GSTCD: variants seen among roughly 807,000 people sequenced by gnomAD.
GSTCD encodes the protein glutathione S-transferase C-terminal domain-containing protein.
A neutral mutation model predicts 68.3 loss-of-function variants in GSTCD; 44 were observed. The ratio of observed to expected loss-of-function variants is 0.64; its 90% CI spans 0.51 to 0.83. The LOEUF is 0.83. GSTCD is among the 40% of genes least tolerant of loss of function. The pLI is 0.00. For synonymous variants in GSTCD, 273 were observed against 255.2 expected (o/e 1.07, Z -0.67); for missense variants, 739 against 735.9 (o/e 1.00, Z -0.05).
At chr4:105,724,670 C>G (rs186770190) in intron 3 of GSTCD, among the ~76,000 whole-genome samples, 140 of 151,954 alleles carry the variant, frequency 9.2e-4, no homozygotes, top group Admixed American at 2.1e-3. Context: ...AGTACAAGCT[C>G]TCCATTTTTA....
chr4:105,835,801 A>C (rs1443747288), intron 9 of GSTCD, among the ~76,000 whole-genome samples: 1 of 152,160 alleles, frequency 6.6e-6, no homozygotes, highest in Non-Finnish European at 1.5e-5. Context: ...CAATTGGAGG[A>C]TGAGCAAGGC....
intron 5 of GSTCD, among the ~76,000 whole-genome samples, chr4:105,812,905 T>A (rs1446958174): frequency 3.3e-5 from 5 of 152,126 alleles, no homozygotes; most frequent in Non-Finnish European, 7.4e-5. Context: ...AAAAGTTATA[T>A]TTATTTATTT....
intron 2 of GSTCD, among the ~76,000 whole-genome samples, 187 bp from the exon 3 acceptor site, chr4:105,718,873 T>C (rs1299156992): frequency 6.6e-6 from 1 of 152,172 alleles, no homozygotes; most frequent in African/African-American, 2.4e-5. Flanking sequence ...AATACAGGAA[T>C]GCTAAACTTC....
intron 5 of GSTCD, among the ~76,000 whole-genome samples, chr4:105,770,333 C>G (rs1488748089): frequency 1.3e-5 from 2 of 151,098 alleles, no homozygotes; most frequent in Non-Finnish European, 2.9e-5. Flanking sequence ...ACTTGCTTAA[C>G]AAAAATTAAC....
intron 5 of GSTCD, chr4:105,761,543 T>C (rs796753731): frequency 2.0e-5 from 3 of 152,314 alleles, no homozygotes; most frequent in African/African-American, 7.2e-5. Flanking sequence ...TAAAGCAATG[T>C]TTGGCTCCTT....
chr4:105,825,576 T>C, intron 7 of GSTCD, 96 bp from the exon 8 acceptor site: 1 of 712,582 alleles, frequency 1.4e-6, no homozygotes, highest in East Asian at 2.7e-5. Context: ...TATAATACGT[T>C]CTACATTATT....
chr4:105,788,176 A>G (rs533629755), intron 5 of GSTCD, among the ~76,000 whole-genome samples: 1 of 152,196 alleles, frequency 6.6e-6, no homozygotes, highest in African/African-American at 2.4e-5. Flanking sequence ...TAAATACTTT[A>G]TAAGGATGGC....
intron 5 of GSTCD, among the ~76,000 whole-genome samples, chr4:105,732,561 T>C (rs1183756874): frequency 1.3e-5 from 2 of 152,296 alleles, no homozygotes; most frequent in East Asian, 3.9e-4. Flanking sequence ...TTTTATTGCA[T>C]CTAGTTGATT....
chr4:105,782,053 G>A lies in GSTCD; in HGVS notation c.1241-40901G>A, dbSNP rs543760143. 2.8e-3 allele frequency among the ~76,000 whole-genome samples: 427 copies of A among 152,218 alleles called. 3 individuals are homozygous for A. Among genetic ancestry groups the A allele is most frequent in the African/African-American group, 9.8e-3 (407 of 41,548 alleles). On this transcript the variant is annotated intron_variant, in intron 5 of 11. Coordinates refer to ENST00000515279, the MANE Select transcript of GSTCD (RefSeq NM_001370181.1). ...TCAGAATAAATGTGCCACTTCTTGC[G>A]CATACCTTGTACAAGGTCTGCAACC...
Position 105,759,204 on chromosome 4 carries a change from A to G in GSTCD, c.1240+29705A>G, listed in dbSNP as rs543066547. Among the ~76,000 whole-genome samples the G allele has an allele frequency of 9.8e-5, 15 of 152,304 alleles. No individual in the cohort carries two copies. In the East Asian group the frequency reaches 2.7e-3, roughly 27 times the overall value. The stretch of plus-strand genomic sequence containing the variant: ...TTAAACAACATAGAGCCTGAGCTCT[A>G]TGAGTCAGCTAGTAATGGTACAATC... On this transcript the variant is annotated intron_variant, in intron 5 of 11. Coordinates refer to ENST00000515279, the MANE Select transcript of GSTCD (RefSeq NM_001370181.1).
At chr4:105,737,126 C>G (rs762939047) in intron 5 of GSTCD, among the ~76,000 whole-genome samples, 2 of 152,118 alleles carry the variant, frequency 1.3e-5, no homozygotes, top group Non-Finnish European at 2.9e-5. Context: ...ATTGCTAGAT[C>G]CTATAGTAGT....
chr4:105,747,545 A>G (rs1319181549), intron 5 of GSTCD, among the ~76,000 whole-genome samples: 1 of 152,234 alleles, frequency 6.6e-6, no homozygotes, highest in Admixed American at 6.5e-5. Context: ...CCCAGATAAC[A>G]TGAACAGTAT....
At chr4:105,766,450 A>G (rs549073742) in intron 5 of GSTCD, among the ~76,000 whole-genome samples, 91 of 152,348 alleles carry the variant, frequency 6.0e-4, no homozygotes, top group African/African-American at 2.1e-3. Context: ...AGAAAAATGT[A>G]GTTCCCCGCT....
intron 10 of GSTCD, among the ~76,000 whole-genome samples, chr4:105,841,578 T>C (rs570145249): frequency 2.0e-5 from 3 of 151,904 alleles, no homozygotes; most frequent in Non-Finnish European, 4.4e-5. Context: ...CTCATACCTG[T>C]TAATCACAGG....
chr4:105,720,181 C>T (rs1732817390), intron 3 of GSTCD, among the ~76,000 whole-genome samples: 1 of 152,302 alleles, frequency 6.6e-6, no homozygotes, highest in South Asian at 2.1e-4. Context: ...GTCTTACATA[C>T]ACACACTCAC....
chr4:105,793,758 A>C (rs1172728304), intron 5 of GSTCD, among the ~76,000 whole-genome samples: 1 of 151,994 alleles, frequency 6.6e-6, no homozygotes, highest in South Asian at 2.1e-4. Context: ...AGCCAGTAAA[A>C]AAAATTAATG....
intron 5 of GSTCD, among the ~76,000 whole-genome samples, chr4:105,775,009 C>T (rs961123231): frequency 4.6e-5 from 7 of 152,048 alleles, no homozygotes; most frequent in South Asian, 4.2e-4. Flanking sequence ...ACTTAGGTTT[C>T]GTCTTTTTAC....
At chr4:105,756,965 C>T (rs1734221638) in intron 5 of GSTCD, among the ~76,000 whole-genome samples, 1 of 152,120 alleles carries the variant, frequency 6.6e-6, no homozygotes, top group African/African-American at 2.4e-5. Context: ...ATGCAAATCG[C>T]TTGTTGTGTG....
intron 5 of GSTCD, among the ~76,000 whole-genome samples, chr4:105,786,905 G>A (rs922801343): frequency 4.6e-5 from 7 of 152,042 alleles, no homozygotes; most frequent in African/African-American, 1.2e-4. Context: ...AATGTAAAAT[G>A]TTGCAGCCAC....
Sources: gnomAD v4.1 joint callset for allele counts (sites outside exome capture counted in the v4.1 genomes callset) on GRCh38, gnomAD v4.1.1 for gene constraint, MANE v1.5 for transcripts, NCBI Gene and HGNC (gene_info 2026-07-23, HGNC 2026-07-21) for gene names.